Variants in UNC5D observed in about 807,000 individuals in gnomAD.
UNC5D encodes unc-5 netrin receptor D.
Under a neutral mutation model 105.4 loss-of-function variants are expected in UNC5D, and 39 were observed. That is an observed-to-expected ratio of 0.37 (90% CI 0.29 to 0.48). The LOEUF (loss-of-function observed/expected upper bound fraction) is 0.48, where lower values mean the gene tolerates loss of function less well. Ranked by LOEUF, UNC5D falls within the 20% of genes least tolerant of loss-of-function variation. The probability of loss-of-function intolerance (pLI) is 0.98; values close to 1 mark genes in which losing one functional copy is unlikely to be tolerated. For missense variants in UNC5D, 991 were observed against 1,202.4 expected (o/e 0.82, Z 2.60); for synonymous variants, 452 against 450.4 (o/e 1.00, Z -0.04).
intron 4 of UNC5D, among the ~76,000 whole-genome samples, chr8:35,617,866 T>C (rs964588898): frequency 6.6e-6 from 1 of 152,242 alleles, no homozygotes; most frequent in Non-Finnish European, 1.5e-5. Context: ...TTTGGAACTG[T>C]TCTTTTAATT....
chr8:35,682,757 A>G (rs1825751107), intron 4 of UNC5D, among the ~76,000 whole-genome samples: 1 of 152,170 alleles, frequency 6.6e-6, no homozygotes, highest in Admixed American at 6.5e-5. Context: ...AGAAGTTTGG[A>G]CCAAGGATAG....
intron 4 of UNC5D, among the ~76,000 whole-genome samples, chr8:35,603,893 T>G (rs2130940555): frequency 6.6e-6 from 1 of 152,274 alleles, no homozygotes; most frequent in African/African-American, 2.4e-5. Context: ...TTCCATTTGC[T>G]TGGTAGATCT....
At chr8:35,454,377 G>A (rs1808351464) in intron 1 of UNC5D, among the ~76,000 whole-genome samples, 1 of 151,996 alleles carries the variant, frequency 6.6e-6, no homozygotes, top group African/African-American at 2.4e-5. Context: ...ATGTCACTTT[G>A]ATATAAAAGG....
In UNC5D at chr8:35,672,566, A is replaced by G. The variant is rs1048510474; in HGVS notation, c.571-10981A>G. 4.6e-5 allele frequency among the ~76,000 whole-genome samples: 7 copies of G among 152,324 alleles called. No individual in the cohort carries two copies. The East Asian group carries it at 1.2e-3, about 25-fold the overall frequency. On this transcript the variant is annotated intron_variant, in intron 4 of 16. Coordinates refer to ENST00000404895, the MANE Select transcript of UNC5D (RefSeq NM_080872.4). ...GGGAAAAAGCAAAAGTAGAAGTAAC[A>G]AAGAGCAAGATCTGTCCCACTATGG...
At chr8:35,244,000 G>T (rs1179490344) in intron 1 of UNC5D, among the ~76,000 whole-genome samples, 2 of 152,122 alleles carry the variant, frequency 1.3e-5, no homozygotes, top group Non-Finnish European at 2.9e-5. Context: ...CAGATACTAA[G>T]GCCTACATTC....
At chr8:35,650,486 T>A (rs972641300) in intron 4 of UNC5D, among the ~76,000 whole-genome samples, 1 of 152,142 alleles carries the variant, frequency 6.6e-6, no homozygotes, top group Non-Finnish European at 1.5e-5. Context: ...TATTTTTGTT[T>A]TTTTGAGTTT....
rs550332248 is a variant in UNC5D, at chr8:35,497,555, C to T, written c.104-51737C>T. 4.0e-5 allele frequency among the ~76,000 whole-genome samples: 6 copies of T among 151,496 alleles called. No individual in the cohort carries two copies. In the South Asian group the frequency reaches 6.3e-4, roughly 16 times the overall value. ...TGGCAACAGCAAGGGAGAAATGATGCGTTAGATTTTGGACATGTCAAGTGT... is the reference window on the plus strand; with the variant it reads ...TGGCAACAGCAAGGGAGAAATGATGTGTTAGATTTTGGACATGTCAAGTGT... On this transcript the variant is annotated intron_variant, in intron 1 of 16. Transcript: ENST00000404895.
At chr8:35,458,294 A>G (rs1310391793) in intron 1 of UNC5D, among the ~76,000 whole-genome samples, 1 of 152,126 alleles carries the variant, frequency 6.6e-6, no homozygotes, top group East Asian at 1.9e-4. Context: ...GAACCCAATC[A>G]TAAGTTCTTT....
At chr8:35,484,037 T>G (rs1352342296) in intron 1 of UNC5D, among the ~76,000 whole-genome samples, 3 of 152,092 alleles carry the variant, frequency 2.0e-5, no homozygotes, top group East Asian at 3.9e-4. Context: ...TACTTTCAAT[T>G]GACAACATAA....
intron 7 of UNC5D, among the ~76,000 whole-genome samples, chr8:35,701,039 A>G (rs2131422456): frequency 6.6e-6 from 1 of 152,302 alleles, no homozygotes; most frequent in African/African-American, 2.4e-5. Flanking sequence ...AAAGCATATG[A>G]TTTATGACAA....
intron 1 of UNC5D, among the ~76,000 whole-genome samples, chr8:35,278,594 T>G (rs1314994465): frequency 6.6e-6 from 1 of 152,032 alleles, no homozygotes; most frequent in Non-Finnish European, 1.5e-5. Flanking sequence ...TTATTATTTA[T>G]TATTTTTAAA....
At chr8:35,430,049 T>A (rs1806520356) in intron 1 of UNC5D, among the ~76,000 whole-genome samples, 3 of 152,148 alleles carry the variant, frequency 2.0e-5, no homozygotes, top group Admixed American at 6.6e-5. Flanking sequence ...ATGTCTTTTG[T>A]GTGCTAACAA....
At chr8:35,269,646 A>G (rs1240194361) in intron 1 of UNC5D, among the ~76,000 whole-genome samples, 5 of 152,222 alleles carry the variant, frequency 3.3e-5, no homozygotes, top group Non-Finnish European at 7.3e-5. Context: ...GTTTGGCACA[A>G]TGCCAGACAT....
chr8:35,303,251 A>C (rs1808093323), intron 1 of UNC5D, among the ~76,000 whole-genome samples: 1 of 152,178 alleles, frequency 6.6e-6, no homozygotes. Flanking sequence ...GTTTAGTTGA[A>C]ATAATAGGTT....
At chr8:35,398,808 T>G (rs1029474456) in intron 1 of UNC5D, among the ~76,000 whole-genome samples, 1 of 152,192 alleles carries the variant, frequency 6.6e-6, no homozygotes, top group African/African-American at 2.4e-5. Flanking sequence ...ACTTCAAATT[T>G]CATTTCATTC....
At chr8:35,415,176 A>G (rs1805450390) in intron 1 of UNC5D, among the ~76,000 whole-genome samples, 1 of 152,008 alleles carries the variant, frequency 6.6e-6, no homozygotes, top group Admixed American at 6.6e-5. Context: ...TTTTTCTTCT[A>G]GTGTTTTATA....
At chr8:35,532,083 G>A (rs1159635508) in intron 1 of UNC5D, among the ~76,000 whole-genome samples, 2 of 145,312 alleles carry the variant, frequency 1.4e-5, no homozygotes. Flanking sequence ...ATTTGATCTT[G>A]TCATTATGAT....
At chr8:35,309,603 T>C (rs1473056500) in intron 1 of UNC5D, among the ~76,000 whole-genome samples, 1 of 152,228 alleles carries the variant, frequency 6.6e-6, no homozygotes, top group Non-Finnish European at 1.5e-5. Flanking sequence ...GGATAGTTGT[T>C]ATTATTAGCT....
rs1043961403 is a variant in UNC5D, at chr8:35,759,696, T to C, written c.2313+227T>C. On this transcript the variant is annotated intron_variant, in intron 14 of 16. Coordinates refer to ENST00000404895, the MANE Select transcript of UNC5D (RefSeq NM_080872.4). The stretch of plus-strand genomic sequence containing the variant: ...GGAAGAAAGGTGCTTGCACGTTAGG[T>C]GAGATGGCATTTCTCCTCTCCTGTT... 2.0e-5 allele frequency among the ~76,000 whole-genome samples: 3 copies of C among 152,180 alleles called. No individual in the cohort carries two copies. The East Asian group carries it at 5.8e-4, about 29-fold the overall frequency.
Sources: gnomAD v4.1 joint callset for allele counts (sites outside exome capture counted in the v4.1 genomes callset) on GRCh38, gnomAD v4.1.1 for gene constraint, MANE v1.5 for transcripts, NCBI Gene and HGNC (gene_info 2026-07-23, HGNC 2026-07-21) for gene names.